The following SLC25A12 variants were observed in gnomAD, a reference collection of about 807,000 sequenced individuals.
SLC25A12 encodes the protein electrogenic aspartate/glutamate antiporter SLC25A12, mitochondrial.
In SLC25A12, 32 loss-of-function variants were observed where a neutral mutation model predicts 83.3. That is an observed-to-expected ratio of 0.38 (90% CI 0.29 to 0.52). SLC25A12 has a LOEUF of 0.52. Ranked by LOEUF, SLC25A12 falls within the 20% of genes least tolerant of loss-of-function variation. The pLI is 0.84. For synonymous variants in SLC25A12, 267 were observed against 291.1 expected (o/e 0.92, Z 0.84); for missense variants, 611 against 835.6 (o/e 0.73, Z 3.31).
chr2:171,787,937 A>C lies in SLC25A12; in HGVS notation c.1596T>G (p.Ala532=). 1 of 1,614,252 alleles carries C rather than the reference A, an allele frequency of 6.2e-7. No individual in the cohort carries two copies. The highest frequency in any genetic ancestry group is 8.5e-7 in the Non-Finnish European group (1 of 1,180,036). ...LAAGAMAGVP[A]ASLVTPADVI... is the part of the protein sequence containing the mutation. ...CATCAGCAGGGGTCACCAGAGATGCAGCTGGGACACCTTTCAGGAGAAAAC... is the reference window on the plus strand; with the variant it reads ...CATCAGCAGGGGTCACCAGAGATGCCGCTGGGACACCTTTCAGGAGAAAAC... The change falls in exon 16 of 18, where the codon GCT becomes GCG. Residue 532 remains alanine (A), a synonymous_variant. Coordinates refer to ENST00000422440, the MANE Select transcript of SLC25A12 (RefSeq NM_003705.5).
At chr2:171,846,550 G>A (rs908972656) in intron 4 of SLC25A12, among the ~76,000 whole-genome samples, 1 of 152,138 alleles carries the variant, frequency 6.6e-6, no homozygotes, top group Admixed American at 6.5e-5. Context: ...GCTCACACCT[G>A]TAATCCTAGC....
At chr2:171,879,251 GT>G (rs1293467115) in intron 2 of SLC25A12, among the ~76,000 whole-genome samples, 1 of 152,118 alleles carries the variant, frequency 6.6e-6, no homozygotes, top group Non-Finnish European at 1.5e-5. Context: ...AGCACTTTCA[GT>G]TGCATATTTT....
rs768350155 is a variant in SLC25A12, at chr2:171,810,217, A to C, written c.1224+7T>G. ...AATGACATAAATTCAGTTAGAGATA[A>C]ACTTACAGTCAGTTTAATGGCCTTT... is the stretch of plus-strand genomic sequence containing the variant. On this transcript the variant is annotated splice_region_variant and intron_variant, in intron 12 of 17. Coordinates refer to ENST00000422440, the MANE Select transcript of SLC25A12 (RefSeq NM_003705.5). 3 of 1,611,688 alleles carry C rather than the reference A, an allele frequency of 1.9e-6. No homozygotes were observed. The highest frequency in any genetic ancestry group is 2.5e-6 in the Non-Finnish European group (3 of 1,177,848).
chr2:171,820,987 G>A (rs1329770331), intron 9 of SLC25A12, among the ~76,000 whole-genome samples: 1 of 132,290 alleles, frequency 7.6e-6, no homozygotes, highest in African/African-American at 2.8e-5. Flanking sequence ...CAATATTTTT[G>A]CAACTGCAAA....
chr2:171,882,040 T>C (rs918292769), intron 2 of SLC25A12, among the ~76,000 whole-genome samples: 2 of 152,220 alleles, frequency 1.3e-5, no homozygotes, highest in African/African-American at 4.8e-5. Flanking sequence ...TGCACTGGAA[T>C]GTTCTAGAAA....
intron 3 of SLC25A12, among the ~76,000 whole-genome samples, chr2:171,862,532 G>T (rs1027551612): frequency 3.9e-5 from 6 of 152,136 alleles, no homozygotes; most frequent in African/African-American, 1.4e-4. Context: ...ATCTACTGGG[G>T]GAAAGGAGAT....
chr2:171,783,786 T>A lies in SLC25A12; in HGVS notation c.*1488A>T, dbSNP rs1022723474. Among the ~76,000 whole-genome samples, 19 of 152,216 alleles carry A rather than the reference T, an allele frequency of 1.2e-4. No individual in the cohort carries two copies. Among genetic ancestry groups the A allele is most frequent in the African/African-American group, 4.1e-4 (17 of 41,466 alleles). On this transcript the variant is annotated 3_prime_UTR_variant, in exon 18 of 18. Coordinates refer to ENST00000422440, the MANE Select transcript of SLC25A12 (RefSeq NM_003705.5). Reference sequence around the variant, plus strand: ...CTCCCATGAGACCAATCTAATACATTTGAAAATAACTTGCTTTCAAAGCTA... The same window carrying A: ...CTCCCATGAGACCAATCTAATACATATGAAAATAACTTGCTTTCAAAGCTA...
At chr2:171,804,498 T>A (rs1450685097) in intron 13 of SLC25A12, among the ~76,000 whole-genome samples, 2 of 151,950 alleles carry the variant, frequency 1.3e-5, no homozygotes, top group African/African-American at 4.8e-5. Context: ...TGACCTCAAG[T>A]GATCCACACA....
intron 2 of SLC25A12, among the ~76,000 whole-genome samples, chr2:171,882,025 A>G (rs1685705261): frequency 6.6e-6 from 1 of 152,206 alleles, no homozygotes; most frequent in South Asian, 2.1e-4. Flanking sequence ...AGATAGTATG[A>G]CAGCTGCACT....
chr2:171,837,890 C>G (rs761052891), intron 5 of SLC25A12, among the ~76,000 whole-genome samples: 1 of 152,142 alleles, frequency 6.6e-6, no homozygotes, highest in Non-Finnish European at 1.5e-5. Context: ...TGGCTCTGGG[C>G]ACCGTTACTC....
intron 13 of SLC25A12, among the ~76,000 whole-genome samples, chr2:171,806,657 C>T (rs1048744996): frequency 6.6e-6 from 1 of 152,128 alleles, no homozygotes; most frequent in Non-Finnish European, 1.5e-5. Flanking sequence ...AACTCAAGGC[C>T]TAGGTCCTAG....
intron 13 of SLC25A12, among the ~76,000 whole-genome samples, chr2:171,801,949 G>GTA (rs1683717197): frequency 7.7e-6 from 1 of 129,272 alleles, no homozygotes. Context: ...GTGTGTGTGT[G>GTA]TACAGAAAGA....
chr2:171,867,897 T>C (rs987852532), intron 3 of SLC25A12, among the ~76,000 whole-genome samples: 1 of 152,158 alleles, frequency 6.6e-6, no homozygotes, highest in Non-Finnish European at 1.5e-5. Context: ...CAGGCTAGAG[T>C]GCAGTGGCGC....
chr2:171,832,773 T>C (rs960276668), intron 8 of SLC25A12, among the ~76,000 whole-genome samples: 1 of 152,178 alleles, frequency 6.6e-6, no homozygotes, highest in African/African-American at 2.4e-5. Flanking sequence ...CCTTACAAAA[T>C]CAAACAGACT....
Position 171,785,363 on chromosome 2 carries a change from C to T in SLC25A12, c.1948G>A (p.Glu650Lys), listed in dbSNP as rs778800333. 4.3e-6 allele frequency: 7 copies of T among 1,614,132 alleles called. No homozygotes were observed. The highest frequency in any genetic ancestry group is 5.9e-6 in the Non-Finnish European group (7 of 1,180,020). The change falls in exon 18 of 18, where the codon GAA becomes AAA. Residue 650 changes from glutamate (E) to lysine (K), a missense_variant. Glu to Lys is a moderately conservative substitution (Grantham distance 56). This residue lies in a region of SLC25A12 where 37 missense variants were observed against 35.1 expected (regional missense o/e 1.05). Transcript: ENST00000422440. ...GGGAGATAAAGGCCAAATTTGTTTT[C>T]GATGCCTGCAAACGTGGCTGTGGCG... ...RLATATFAGI[E>K]NKFGLYLPKF...
chr2:171,785,815 T>C (rs1690477975), intron 17 of SLC25A12, among the ~76,000 whole-genome samples: 1 of 152,140 alleles, frequency 6.6e-6, no homozygotes, highest in South Asian at 2.1e-4. Context: ...TTTTTTCTTC[T>C]TGTAAAGATG....
At chr2:171,806,960 TG>T (rs1258998794) in intron 13 of SLC25A12, among the ~76,000 whole-genome samples, 1 of 152,172 alleles carries the variant, frequency 6.6e-6, no homozygotes, top group Non-Finnish European at 1.5e-5. Flanking sequence ...ATTTAGGAAA[TG>T]GAGTATCCTA....
At position 171,791,159 on chromosome 2, in the gene SLC25A12, CA is replaced by C. The variant is rs111523529; in HGVS notation, c.1585+291del. ...CTTAGCTTGGCTGTACTCAAGGTTT[CA>C]GGGGCACAGGAAACTAAGAAACATG... On this transcript the variant is annotated intron_variant, in intron 15 of 17. Transcript: ENST00000422440. 2.5e-4 allele frequency among the ~76,000 whole-genome samples: 38 copies of C among 152,182 alleles called. 2 individuals carry two copies. The highest frequency in any genetic ancestry group is 8.7e-4 in the African/African-American group (36 of 41,514).
chr2:171,861,161 T>C (rs1210185973), intron 3 of SLC25A12, among the ~76,000 whole-genome samples: 1 of 151,582 alleles, frequency 6.6e-6, no homozygotes, highest in African/African-American at 2.4e-5. Context: ...TGTGGTAGTC[T>C]AGGTGGTAGA....
Sources: gnomAD v4.1 joint callset for allele counts (sites outside exome capture counted in the v4.1 genomes callset) on GRCh38, gnomAD v4.1.1 for gene constraint, gnomAD v4.1.1 regional missense constraint, MANE v1.5 for transcripts, NCBI Gene and HGNC (gene_info 2026-07-23, HGNC 2026-07-21) for gene names.